SETD2: variants seen among roughly 807,000 people sequenced by gnomAD.
SETD2 encodes SET domain containing 2, histone lysine methyltransferase, also known as histone-lysine N-methyltransferase SETD2.
In SETD2, 31 loss-of-function variants were observed where a neutral mutation model predicts 242.1. The observed-to-expected ratio is 0.13, with a 90% CI of 0.10 to 0.17. The LOEUF is 0.17. SETD2 is among the 10% of genes least tolerant of loss of function. The probability of loss-of-function intolerance (pLI) is 1.00; values close to 1 mark genes in which losing one functional copy is unlikely to be tolerated. For missense variants in SETD2, 2,481 were observed against 3,046.3 expected (o/e 0.81, Z 4.37); for synonymous variants, 1,006 against 1,066.5 (o/e 0.94, Z 1.11).
At chr3:47,135,700 C>T (rs1308944872) in intron 1 of SETD2, among the ~76,000 whole-genome samples, 2 of 152,198 alleles carry the variant, frequency 1.3e-5, no homozygotes, top group Non-Finnish European at 2.9e-5. Context: ...CTCCTAGATG[C>T]CTATTTCACA....
Position 47,088,495 on chromosome 3 carries a change from C to CTTA in SETD2, c.5143-251_5143-249dup, listed in dbSNP as rs61660827. Among the ~76,000 whole-genome samples the CTTA allele has an allele frequency of 0.65, 98,980 of 151,604 alleles. 32,726 individuals are homozygous for CTTA. The highest frequency in any genetic ancestry group is 0.76 in the African/African-American group (31,310 of 41,312). ...TCACTCATCAAATACGTAGCAAGAA[C>CTTA]TTATATGAGTCAAGTATAATTCTAG... On this transcript the variant is annotated intron_variant, in intron 9 of 20. Coordinates refer to ENST00000409792, the MANE Select transcript of SETD2 (RefSeq NM_014159.7).
Position 47,042,645 on chromosome 3 carries a change from T to G in SETD2, c.7154A>C (p.Lys2385Thr). The change falls in exon 17 of 21, where the codon AAA (lysine) becomes ACA (threonine). Residue 2385 changes from lysine (K) to threonine (T), a missense_variant. Around this residue, in one of 17 missense-constraint regions of SETD2, gnomAD observed 235 missense variants for 293.9 expected, o/e 0.80. Coordinates refer to ENST00000409792, the MANE Select transcript of SETD2 (RefSeq NM_014159.7). The part of the protein sequence containing the change: ...LLDLPPPSPP[K>T]PKTIVLPPNW... The stretch of plus-strand genomic sequence containing the variant: ...GGGAGGTAAGACAATGGTTTTTGGT[T>G]TGGGAGGAGAGGGGGGCGGCAGATC... The G allele has an allele frequency of 6.2e-7, 1 of 1,613,250 alleles. No individual in the cohort carries two copies. Among genetic ancestry groups the G allele is most frequent in the South Asian group, 1.1e-5 (1 of 90,936 alleles).
chr3:47,117,134 CA>C (rs1553699171), intron 3 of SETD2, among the ~76,000 whole-genome samples: 4 of 151,936 alleles, frequency 2.6e-5, no homozygotes, highest in Non-Finnish European at 5.9e-5. Flanking sequence ...CAAAGTGCTG[CA>C]ATCGCAGGCA....
chr3:47,044,344 CAAAAAAAAAAAAAAAAAAAAAAAAAAA>C lies in SETD2; in HGVS notation c.7099-1671_7099-1645del, dbSNP rs59408277. 1.0e-3 allele frequency among the ~76,000 whole-genome samples: 34 copies of C among 33,948 alleles called. 2 individuals are homozygous for C. The South Asian group carries it at 0.022, about 22-fold the overall frequency. The allele number at this position is 33,948 out of a possible 152,430, so 22.3% of individuals were successfully genotyped here. A position where few individuals can be genotyped will look rare whatever the true frequency, so the allele number is the denominator to read the frequency against. On this transcript the variant is annotated intron_variant, in intron 16 of 20. Transcript: ENST00000409792. ...TGGGCAACAAAGCAAGACTTCATCT[CAAAAAAAAAAAAAAAAAAAAAAAAAAA>C]AAAAAAAAAAAAAAAGGCCTAGAAG...
At chr3:47,073,829 C>T (rs1446107964) in intron 12 of SETD2, among the ~76,000 whole-genome samples, 2 of 152,186 alleles carry the variant, frequency 1.3e-5, no homozygotes, top group African/African-American at 2.4e-5. Flanking sequence ...TAAAACTTGA[C>T]AGTACTTGTG....
At position 47,017,032 on chromosome 3, in the gene SETD2, GATT is replaced by G. The variant is rs2038011359; in HGVS notation, c.*58_*60del. The G allele has an allele frequency of 8.5e-6, 13 of 1,537,882 alleles. No homozygotes were observed. The highest frequency in any genetic ancestry group is 1.2e-5 in the Non-Finnish European group (13 of 1,116,034). ...AGGGGTGGGACAGAAAGGCCCACAG[GATT>G]TCCTCTCCCTAGAGTCTGTCTTACC... is the stretch of plus-strand genomic sequence containing the variant. On this transcript the variant is annotated 3_prime_UTR_variant, in exon 21 of 21. Transcript: ENST00000409792. The surrounding 1 kb of genome is among the most constrained non-coding windows in gnomAD (Gnocchi z 4.8).
chr3:47,062,276 T>C lies in SETD2; in HGVS notation c.6180A>G (p.Ser2060=), dbSNP rs140252916. 1.7e-4 allele frequency: 273 copies of C among 1,613,952 alleles called. 1 individual carries two copies. The highest frequency in any genetic ancestry group is 3.3e-4 in the Middle Eastern group (2 of 6,084). ...QTPAPKTPNR[S]RERDPDKQTQ... ...TTTGCTTGTCTGGGTCTCTCTCTCT[T>C]GACCTATTAGGAGTCTTCGGGGCAG... Residue 2060 remains serine (S), a synonymous_variant, in exon 14 of 21, where the codon TCA becomes TCG. Transcript: ENST00000409792.
chr3:47,129,196 A>T (rs1313174788), intron 1 of SETD2, among the ~76,000 whole-genome samples: 2 of 152,232 alleles, frequency 1.3e-5, no homozygotes, highest in African/African-American at 2.4e-5. Flanking sequence ...AGAAAAGAAA[A>T]GAAATGACAT....
chr3:47,079,303 G>A (rs1398840460), intron 12 of SETD2, among the ~76,000 whole-genome samples: 2 of 152,124 alleles, frequency 1.3e-5, no homozygotes, highest in Non-Finnish European at 2.9e-5. Context: ...TTCTGACTTG[G>A]TCACAGTCCT....
At chr3:47,045,055 C>G (rs940976344) in intron 16 of SETD2, among the ~76,000 whole-genome samples, 1 of 152,176 alleles carries the variant, frequency 6.6e-6, no homozygotes, top group African/African-American at 2.4e-5. Flanking sequence ...GGATACTCAA[C>G]CTGTACGCGG....
intron 12 of SETD2, among the ~76,000 whole-genome samples, chr3:47,082,542 T>C (rs2041361352): frequency 6.6e-6 from 1 of 152,214 alleles, no homozygotes; most frequent in African/African-American, 2.4e-5. Flanking sequence ...ATTCCTGCAG[T>C]TCACATACTG....
intron 18 of SETD2, among the ~76,000 whole-genome samples, chr3:47,023,323 C>T: frequency 6.6e-6 from 1 of 152,094 alleles, no homozygotes; most frequent in East Asian, 1.9e-4. Flanking sequence ...CTGCTTGAAC[C>T]CGGGAGGTGG....
At chr3:47,089,999 G>C (rs2041726976) in intron 9 of SETD2, among the ~76,000 whole-genome samples, 1 of 152,122 alleles carries the variant, frequency 6.6e-6, no homozygotes, top group African/African-American at 2.4e-5. Context: ...TACAATCCCA[G>C]AACTCTGAAA....
intron 18 of SETD2, among the ~76,000 whole-genome samples, chr3:47,027,315 C>T (rs1443537316): frequency 2.3e-5 from 3 of 131,624 alleles, no homozygotes; most frequent in Non-Finnish European, 3.1e-5. Flanking sequence ...CCAGCCTGGG[C>T]GACAGAGCGA....
intron 13 of SETD2, among the ~76,000 whole-genome samples, chr3:47,063,325 C>T (rs1423030254): frequency 6.6e-6 from 1 of 151,964 alleles, no homozygotes; most frequent in African/African-American, 2.4e-5. Context: ...AAACATAATA[C>T]CAGGCTGAGC....
At chr3:47,033,313 A>G (rs1297151498) in intron 18 of SETD2, among the ~76,000 whole-genome samples, 2 of 152,226 alleles carry the variant, frequency 1.3e-5, no homozygotes, top group Non-Finnish European at 2.9e-5. Context: ...ACTTTCTCAC[A>G]AAGTCCTCCT....
Position 47,086,278 on chromosome 3 carries a change from C to A in SETD2, c.5314G>T (p.Glu1772Ter), listed in dbSNP as rs2107646124. 6.2e-7 allele frequency: 1 copy of A among 1,613,070 alleles called. No homozygotes were observed. The highest frequency in any genetic ancestry group is 1.1e-5 in the South Asian group (1 of 91,046). The part of the protein sequence containing the change: ...HSQSCLKSFL[E>*]RHGLSLLWIW... ...CACAACAAAGACAGCCCATGACGTT[C>A]CAGAAAGGACTTCAGGCAGGACTGT... The change falls in exon 11 of 21, where the codon GAA becomes TAA. Residue 1772 changes from glutamate (E) to a stop codon, truncating the protein, a stop_gained. Transcript: ENST00000409792. LOFTEE classifies it high-confidence loss of function.
At chr3:47,156,586 T>C (rs2044132240) in intron 1 of SETD2, among the ~76,000 whole-genome samples, 1 of 152,022 alleles carries the variant, frequency 6.6e-6, no homozygotes, top group Admixed American at 6.6e-5. Flanking sequence ...ACTAGGATAG[T>C]TCAACAGGCT....
chr3:47,121,049 G>A lies in SETD2; in HGVS notation c.3587C>T (p.Ser1196Phe), dbSNP rs2107749095. ...AATTGGCAGCTCTTCTTGCTGCCTA[G>A]AAGGTATTTTGGCTTTCACGGTTTC... ...SEETVKAKIP[S>F]RQQEELPIYS... is the part of the protein sequence containing the mutation. Residue 1196 changes from serine to phenylalanine, a missense_variant, in exon 3 of 21, where the codon TCT (serine) becomes TTT (phenylalanine). Transcript: ENST00000409792. 1.9e-6 allele frequency: 3 copies of A among 1,614,152 alleles called. No homozygotes were observed. Among genetic ancestry groups the A allele is most frequent in the Non-Finnish European group, 2.5e-6 (3 of 1,179,980 alleles).
Sources: gnomAD v4.1 joint callset for allele counts (sites outside exome capture counted in the v4.1 genomes callset) on GRCh38, gnomAD v4.1.1 for gene constraint, gnomAD v4.1.1 regional missense constraint, Gnocchi (gnomAD v3.1) non-coding constraint, MANE v1.5 for transcripts, NCBI Gene and HGNC (gene_info 2026-07-23, HGNC 2026-07-21) for gene names.